The following PLCB4 variants were observed in gnomAD, a reference collection of about 807,000 sequenced individuals.
PLCB4 encodes the protein 1-phosphatidylinositol 4,5-bisphosphate phosphodiesterase beta-4.
Under a neutral mutation model 178.8 loss-of-function variants are expected in PLCB4, and 77 were observed. The observed-to-expected ratio is 0.43, with a 90% CI of 0.36 to 0.52. The LOEUF is 0.52. Ranked by LOEUF, PLCB4 falls within the 20% of genes least tolerant of loss-of-function variation. The pLI is 0.00. For missense variants in PLCB4, 1,024 were observed against 1,453.4 expected, an observed-to-expected ratio of 0.70 and a Z score of 4.80; for synonymous variants, 496 against 490.8, an observed-to-expected ratio of 1.01 and a Z score of -0.14.
Position 9,439,893 on chromosome 20 carries a change from A to G in PLCB4, c.2764+2741A>G, listed in dbSNP as rs112021654. On this transcript the variant is annotated intron_variant, in intron 30 of 39. Coordinates refer to ENST00000378473, the MANE Select transcript of PLCB4 (RefSeq NM_001377142.1). ...GTAACAAGCAATCACAAAAGTCAGTAATTTAAATAAGTAAGCATCTATTAT... is the reference window on the plus strand; with the variant it reads ...GTAACAAGCAATCACAAAAGTCAGTGATTTAAATAAGTAAGCATCTATTAT... Among the ~76,000 whole-genome samples, 913 of 152,374 alleles carry G rather than the reference A, an allele frequency of 6.0e-3. 10 individuals are homozygous for G. The highest frequency in any genetic ancestry group is 0.021 in the African/African-American group (862 of 41,586).
chr20:9,423,316 G>A (rs540281470), intron 27 of PLCB4, among the ~76,000 whole-genome samples: 5 of 151,984 alleles, frequency 3.3e-5, no homozygotes, highest in Non-Finnish European at 5.9e-5. Flanking sequence ...AGATACTTTC[G>A]TATTCTTAAA....
chr20:9,398,021 C>T (rs1434127590), intron 19 of PLCB4, among the ~76,000 whole-genome samples: 2 of 152,244 alleles, frequency 1.3e-5, no homozygotes, highest in Non-Finnish European at 2.9e-5. Context: ...ACGCTGGGAG[C>T]TCCGCTGGGC....
chr20:9,076,993 C>T (rs907143137), intron 1 of PLCB4, among the ~76,000 whole-genome samples: 1 of 152,154 alleles, frequency 6.6e-6, no homozygotes, highest in African/African-American at 2.4e-5. Flanking sequence ...CTCTTTCCCT[C>T]CTTTTTTCTG....
intron 12 of PLCB4, among the ~76,000 whole-genome samples, chr20:9,375,171 A>T (rs995035973): frequency 6.6e-6 from 1 of 152,164 alleles, no homozygotes; most frequent in South Asian, 2.1e-4. Context: ...GTCGGCTTGA[A>T]GAAGCCTTGT....
intron 27 of PLCB4, among the ~76,000 whole-genome samples, chr20:9,422,342 A>G (rs2040701351): frequency 6.6e-6 from 1 of 152,080 alleles, no homozygotes; most frequent in African/African-American, 2.4e-5. Context: ...GAAACAGGCC[A>G]TTTTGACATT....
intron 2 of PLCB4, among the ~76,000 whole-genome samples, chr20:9,210,270 G>A (rs772603631): frequency 3.9e-5 from 6 of 152,184 alleles, no homozygotes; most frequent in Non-Finnish European, 5.9e-5. Context: ...ATGACAGATA[G>A]AGGTAAGTTT....
chr20:9,110,724 T>A (rs1358865601), intron 2 of PLCB4, among the ~76,000 whole-genome samples: 5 of 152,150 alleles, frequency 3.3e-5, no homozygotes, highest in African/African-American at 1.2e-4. Flanking sequence ...TCCAACTTAG[T>A]GTGTTGGCAT....
chr20:9,468,588 G>A lies in PLCB4; in HGVS notation c.3266G>A (p.Arg1089Gln), dbSNP rs759180836. 1.9e-6 allele frequency: 3 copies of A among 1,607,744 alleles called. No individual in the cohort carries two copies. Among genetic ancestry groups the A allele is most frequent in the Non-Finnish European group, 2.6e-6 (3 of 1,174,628 alleles). The change falls in exon 36 of 40, where the codon CGA (arginine) becomes CAA (glutamine). Residue 1089 changes from arginine to glutamine, a missense_variant. Coordinates refer to ENST00000378473, the MANE Select transcript of PLCB4 (RefSeq NM_001377142.1). The stretch of plus-strand genomic sequence containing the variant: ...ATACATAGGGAAAGCAAGGAAATGC[G>A]AGCACACCAGGCTAAGATTTCTATG... ...LSHDRESKEM[R>Q]AHQAKISMEN...
chr20:9,176,116 A>T (rs561038321), intron 2 of PLCB4, among the ~76,000 whole-genome samples: 1 of 152,124 alleles, frequency 6.6e-6, no homozygotes, highest in Non-Finnish European at 1.5e-5. Context: ...GGAACTATGT[A>T]TTCTTTTTAT....
At chr20:9,098,614 A>G (rs1174424885) in intron 2 of PLCB4, among the ~76,000 whole-genome samples, 1 of 151,082 alleles carries the variant, frequency 6.6e-6, no homozygotes, top group Non-Finnish European at 1.5e-5. Flanking sequence ...CATGTGTTAA[A>G]TAGTCTCATA....
chr20:9,469,227 C>T (rs2044012503), intron 36 of PLCB4, among the ~76,000 whole-genome samples: 1 of 152,144 alleles, frequency 6.6e-6, no homozygotes, highest in South Asian at 2.1e-4. Flanking sequence ...GTGATCTGCC[C>T]GCCTCAGCCT....
intron 4 of PLCB4, among the ~76,000 whole-genome samples, chr20:9,330,726 C>T (rs1449152628): frequency 1.3e-5 from 2 of 152,210 alleles, no homozygotes; most frequent in South Asian, 2.1e-4. Context: ...TTGCATTACC[C>T]ACATTTCAAG....
chr20:9,419,238 C>A (rs1218684371), intron 25 of PLCB4, among the ~76,000 whole-genome samples: 3 of 152,018 alleles, frequency 2.0e-5, no homozygotes, highest in African/African-American at 7.2e-5. Flanking sequence ...ATGTCAATTA[C>A]CTTTGATTGT....
chr20:9,225,032 C>A (rs147854751), intron 3 of PLCB4, among the ~76,000 whole-genome samples: 11 of 152,174 alleles, frequency 7.2e-5, no homozygotes, highest in African/African-American at 2.7e-4. Context: ...GTGAAGCATG[C>A]TGAGTTCTGC....
rs570541287 is a variant in PLCB4, at chr20:9,476,564, G to A, written c.3496-153G>A. The stretch of plus-strand genomic sequence containing the variant: ...GTTGAGATCAACTAGGGGAAAGTTT[G>A]TCACTGAGGGGTGTGTACATGTTTT... On this transcript the variant is annotated intron_variant, in intron 38 of 39. Coordinates refer to ENST00000378473, the MANE Select transcript of PLCB4 (RefSeq NM_001377142.1). 2.0e-4 allele frequency among the ~76,000 whole-genome samples: 31 copies of A among 152,226 alleles called. No individual in the cohort carries two copies. In the South Asian group the frequency reaches 6.0e-3, roughly 30 times the overall value.
At chr20:9,322,879 A>T (rs184320237) in intron 4 of PLCB4, among the ~76,000 whole-genome samples, 1 of 152,216 alleles carries the variant, frequency 6.6e-6, no homozygotes, top group Non-Finnish European at 1.5e-5. Flanking sequence ...TTGCTACTCA[A>T]GAGATGTGAC....
intron 32 of PLCB4, among the ~76,000 whole-genome samples, chr20:9,447,425 T>A (rs2042480887): frequency 6.6e-6 from 1 of 152,188 alleles, no homozygotes; most frequent in East Asian, 1.9e-4. Flanking sequence ...TCTCCTGTCT[T>A]CCAGCAGGCT....
At chr20:9,378,265 A>T (rs1462206490) in intron 12 of PLCB4, among the ~76,000 whole-genome samples, 3 of 152,158 alleles carry the variant, frequency 2.0e-5, no homozygotes, top group African/African-American at 7.2e-5. Context: ...TTTAAATTTA[A>T]AAAACTTAAT....
chr20:9,192,595 C>T (rs911421840), intron 2 of PLCB4, among the ~76,000 whole-genome samples: 10 of 148,010 alleles, frequency 6.8e-5, no homozygotes, highest in South Asian at 2.2e-4. Context: ...GTGTGATCAC[C>T]GTTCACTGTA....
Sources: gnomAD v4.1 joint callset for allele counts (sites outside exome capture counted in the v4.1 genomes callset) on GRCh38, gnomAD v4.1.1 for gene constraint, MANE v1.5 for transcripts, NCBI Gene and HGNC (gene_info 2026-07-23, HGNC 2026-07-21) for gene names.